TMEM116: variants seen among roughly 807,000 people sequenced by gnomAD.
TMEM116 encodes the protein transmembrane protein 116.
A neutral mutation model predicts 44.3 loss-of-function variants in TMEM116; 38 were observed. That is an observed-to-expected ratio of 0.86 (90% CI 0.66 to 1.12). The LOEUF is 1.12. Among genes scored for constraint, TMEM116 ranks in the 50% most tolerant of loss-of-function variants. TMEM116 has a pLI of 0.00. For synonymous variants in TMEM116, 132 were observed against 144.8 expected (o/e 0.91, Z 0.64); for missense variants, 354 against 401.7 (o/e 0.88, Z 1.01).
At chr12:111,938,073 A>T in intron 6 of TMEM116, 88 bp downstream of exon 6, 1 of 807,470 alleles carries the variant, frequency 1.2e-6, no homozygotes, top group Non-Finnish European at 1.9e-6. Context: ...TGACAATGGA[A>T]ATAAAGGGCA....
chr12:111,937,220 G>A lies in TMEM116; in HGVS notation c.389C>T (p.Thr130Ile). The A allele has an allele frequency of 6.2e-7, 1 of 1,613,830 alleles. No homozygotes were observed. Among genetic ancestry groups the A allele is most frequent in the Non-Finnish European group, 8.5e-7 (1 of 1,179,836 alleles). Residue 130 changes from threonine to isoleucine, a missense_variant, in exon 7 of 11, where the codon ACA becomes ATA. Thr to Ile is a moderately conservative substitution (Grantham distance 89). Coordinates refer to ENST00000552374, the MANE Select transcript of TMEM116 (RefSeq NM_001193531.2). ...AGTATTTCCCAGACAGAATACAGGT[G>A]TCATCAATAGCAGAGGTATCAGGCT... ...FSSLIPLLLM[T>I]PVFCLGNTSE...
intron 1 of TMEM116, among the ~76,000 whole-genome samples, chr12:112,009,608 C>G (rs1284836009): frequency 6.7e-6 from 1 of 148,856 alleles, no homozygotes; most frequent in Non-Finnish European, 1.5e-5. Context: ...GAGGCCAAGG[C>G]AGGTGGATCA....
At chr12:111,991,396 C>T (rs1413883638) in intron 4 of TMEM116, among the ~76,000 whole-genome samples, 2 of 150,790 alleles carry the variant, frequency 1.3e-5, no homozygotes, top group East Asian at 1.9e-4. Flanking sequence ...CGGTGGTGGG[C>T]GCCTGTAGTC....
intron 4 of TMEM116, among the ~76,000 whole-genome samples, chr12:111,985,748 C>G (rs1366727199): frequency 6.6e-6 from 1 of 151,978 alleles, no homozygotes; most frequent in Non-Finnish European, 1.5e-5. Context: ...AGGCGCACAC[C>G]ACCACACCCA....
At chr12:111,949,742 ATCT>A (rs2073567559) in intron 4 of TMEM116, among the ~76,000 whole-genome samples, 1 of 152,180 alleles carries the variant, frequency 6.6e-6, no homozygotes. Flanking sequence ...AGATCCTAAA[ATCT>A]TCTAGGTACC....
chr12:111,933,057 A>G (rs1034300501), intron 9 of TMEM116, among the ~76,000 whole-genome samples: 2 of 152,188 alleles, frequency 1.3e-5, no homozygotes, highest in African/African-American at 4.8e-5. Context: ...CCTGGCCAAC[A>G]TGGCGAAACC....
chr12:111,965,753 G>A (rs767504191), intron 4 of TMEM116: 5 of 381,904 alleles, frequency 1.3e-5, no homozygotes, highest in African/African-American at 4.4e-5. Context: ...GCGAAACCCC[G>A]TCTCCCCTAA....
At chr12:111,960,999 C>A (rs544336975) in intron 4 of TMEM116, among the ~76,000 whole-genome samples, 18 of 152,162 alleles carry the variant, frequency 1.2e-4, no homozygotes, top group African/African-American at 3.9e-4. Flanking sequence ...GATGTCACCA[C>A]TGATCCCACA....
intron 4 of TMEM116, among the ~76,000 whole-genome samples, chr12:111,953,518 A>G (rs1319379306): frequency 6.6e-6 from 1 of 152,202 alleles, no homozygotes; most frequent in Non-Finnish European, 1.5e-5. Context: ...ATGCCTGATA[A>G]TAAGAACCAT....
chr12:112,007,707 CTGT>C (rs1236907819), intron 1 of TMEM116, among the ~76,000 whole-genome samples: 4 of 152,232 alleles, frequency 2.6e-5, no homozygotes. Flanking sequence ...AGACAAAGGA[CTGT>C]TGTTTCAGTC....
At chr12:111,980,262 A>G (rs995390743) in intron 4 of TMEM116, among the ~76,000 whole-genome samples, 1 of 152,222 alleles carries the variant, frequency 6.6e-6, no homozygotes, top group Non-Finnish European at 1.5e-5. Flanking sequence ...TTAAGACACT[A>G]AAAGACCTGG....
At chr12:111,979,859 A>G (rs1483780246) in intron 4 of TMEM116, among the ~76,000 whole-genome samples, 1 of 152,248 alleles carries the variant, frequency 6.6e-6, no homozygotes, top group Non-Finnish European at 1.5e-5. Context: ...ATGTCATTAG[A>G]GAGCTGAAAA....
intron 4 of TMEM116, among the ~76,000 whole-genome samples, chr12:111,983,425 G>C (rs1291864123): frequency 2.0e-5 from 3 of 151,400 alleles, no homozygotes; most frequent in Non-Finnish European, 4.4e-5. Flanking sequence ...CTGGGCAACA[G>C]AGCAAGACTC....
rs1449734618 is a variant in TMEM116, at chr12:111,936,909, T to A, written c.450-79A>T. ...GCTCAACAAGACTTAATAAGCATGT[T>A]ATTTTACTTATCATTTTGCTAACTC... On this transcript the variant is annotated intron_variant, in intron 7 of 10. Transcript: ENST00000552374. 3 of 1,443,396 alleles carry A rather than the reference T, an allele frequency of 2.1e-6. No individual in the cohort carries two copies. The Admixed American group carries it at 6.8e-5, about 32-fold the overall frequency. 89.4% of individuals were successfully genotyped at this position (1,443,396 alleles called of 1,614,324 possible). A position where few individuals can be genotyped will look rare whatever the true frequency, so the allele number is the denominator to read the frequency against.
chr12:111,980,677 G>A (rs2075886734), intron 4 of TMEM116, among the ~76,000 whole-genome samples: 1 of 152,110 alleles, frequency 6.6e-6, no homozygotes, highest in African/African-American at 2.4e-5. Flanking sequence ...GGTATGGTAG[G>A]TACCAGGGAA....
chr12:111,943,335 T>G lies in TMEM116; in HGVS notation c.245A>C (p.Asn82Thr), dbSNP rs562255485. The G allele has an allele frequency of 6.2e-7, 1 of 1,614,076 alleles. No homozygotes were observed. The highest frequency in any genetic ancestry group is 1.1e-5 in the South Asian group (1 of 91,090). Reference protein sequence around the residue: ...FYISSFLYTVNYIWYLYTELR... With the variant: ...FYISSFLYTVTYIWYLYTELR... Reference sequence around the variant, plus strand: ...CTCTGTGTACAAATACCAGATGTAATTGACGGTGTAGAGAAATGAGGAAAT... The same window carrying G: ...CTCTGTGTACAAATACCAGATGTAAGTGACGGTGTAGAGAAATGAGGAAAT... The change falls in exon 5 of 11, where the codon AAT becomes ACT. Residue 82 changes from asparagine (N) to threonine (T), a missense_variant. By Grantham distance (65) the Asn-to-Thr change is moderately conservative. Transcript: ENST00000552374.
At chr12:111,950,240 A>G (rs2073615362) in intron 4 of TMEM116, among the ~76,000 whole-genome samples, 1 of 152,194 alleles carries the variant, frequency 6.6e-6, no homozygotes, top group Non-Finnish European at 1.5e-5. Context: ...GGACTGCCCA[A>G]TGCCATAACC....
At chr12:112,010,807 C>G (rs2077804359) in intron 1 of TMEM116, 3 of 152,352 alleles carry the variant, frequency 2.0e-5, no homozygotes, top group Admixed American at 2.0e-4. Context: ...CTGGCTGAAC[C>G]CAGGGTTTTT....
At chr12:111,984,029 CA>C in intron 4 of TMEM116, among the ~76,000 whole-genome samples, 1 of 152,138 alleles carries the variant, frequency 6.6e-6, no homozygotes, top group Non-Finnish European at 1.5e-5. Context: ...ATACAAAAAT[CA>C]ATTAATATAT....
Sources: allele counts gnomAD v4.1 joint callset (sites outside exome capture counted in the v4.1 genomes callset), GRCh38; gene constraint gnomAD v4.1.1; transcripts MANE v1.5; gene names NCBI Gene and HGNC (gene_info 2026-07-23, HGNC 2026-07-21).